The following KIF2A variants were observed in gnomAD, a reference collection of about 807,000 sequenced individuals.
The protein encoded by KIF2A is kinesin-like protein KIF2A.
KIF2A carries 22 observed loss-of-function variants against 100.2 expected under a neutral mutation model. The observed-to-expected ratio is 0.22, with a 90% confidence interval of 0.16 to 0.31. KIF2A has a LOEUF of 0.31. Ranked by LOEUF, KIF2A falls within the 10% of genes least tolerant of loss-of-function variation. KIF2A has a pLI of 1.00. For missense variants in KIF2A, 495 were observed against 898.7 expected (o/e 0.55, Z 5.74); for synonymous variants, 268 against 285.9 (o/e 0.94, Z 0.63).
At chr5:62,361,172 A>G (rs1392390552) in intron 9 of KIF2A, 70 bp from the exon 10 acceptor site, 4 of 728,922 alleles carry the variant, frequency 5.5e-6, no homozygotes, top group Non-Finnish European at 9.1e-6. Flanking sequence ...AATACTTTGT[A>G]TTACTCAGCA....
At chr5:62,327,054 C>T (rs1334213183) in intron 1 of KIF2A, among the ~76,000 whole-genome samples, 2 of 152,206 alleles carry the variant, frequency 1.3e-5, no homozygotes, top group African/African-American at 4.8e-5. Flanking sequence ...ACAATTAATT[C>T]ACTCCCTTTT....
At position 62,372,647 on chromosome 5, in the gene KIF2A, A is replaced by G; in HGVS notation, c.1760+96A>G. 4 of 693,816 alleles carry G rather than the reference A, an allele frequency of 5.8e-6. 1 individual carries two copies. 43.0% of individuals were successfully genotyped at this position (693,816 alleles called of 1,614,324 possible). A position where few individuals can be genotyped will look rare whatever the true frequency, so the allele number is the denominator to read the frequency against. On this transcript the variant is annotated intron_variant, in intron 17 of 20. Coordinates refer to ENST00000407818, the MANE Select transcript of KIF2A (RefSeq NM_001098511.3). ...TCATTTGCTATTTTTGTCCTGAGCC[A>G]TTTTAGTTTTCATTGTCATTTCATT...
At chr5:62,329,797 AAG>A (rs369322750) in intron 1 of KIF2A, among the ~76,000 whole-genome samples, 47 of 152,328 alleles carry the variant, frequency 3.1e-4, no homozygotes, top group African/African-American at 1.1e-3. Context: ...ATAGACATTA[AAG>A]AGGGGAATTA....
intron 19 of KIF2A, among the ~76,000 whole-genome samples, chr5:62,380,481 A>G (rs941312249): frequency 4.3e-4 from 65 of 152,278 alleles, no homozygotes; most frequent in African/African-American, 1.4e-3. Context: ...TTAGATTTTG[A>G]GGACATACAG....
At chr5:62,316,556 A>G (rs1389805471) in intron 1 of KIF2A, among the ~76,000 whole-genome samples, 1 of 152,220 alleles carries the variant, frequency 6.6e-6, no homozygotes, top group East Asian at 1.9e-4. Flanking sequence ...CAGTGAAATT[A>G]TTCTGTATGA....
chr5:62,381,314 G>T, intron 20 of KIF2A, 61 bp downstream of exon 20: 1 of 1,399,654 alleles, frequency 7.1e-7, no homozygotes, highest in Non-Finnish European at 1.0e-6. Flanking sequence ...ATATTGGTGA[G>T]AGGGCTTCTT....
intron 13 of KIF2A, 88 bp downstream of exon 13, chr5:62,363,408 C>T: frequency 8.2e-7 from 1 of 1,215,868 alleles, no homozygotes. Flanking sequence ...TCTATCAATA[C>T]ATCTTGGAAG....
chr5:62,361,707 A>ATTT (rs11418602), intron 11 of KIF2A, among the ~76,000 whole-genome samples, 178 bp downstream of exon 11: 1 of 146,574 alleles, frequency 6.8e-6, no homozygotes, highest in African/African-American at 2.5e-5. Context: ...ATTCACAATA[A>ATTT]TTTTTTTTTT....
intron 19 of KIF2A, 21 bp downstream of exon 19, chr5:62,377,783 C>G: frequency 8.2e-7 from 1 of 1,212,222 alleles, no homozygotes; most frequent in South Asian, 1.4e-5. Flanking sequence ...ACAGGACTTT[C>G]CTTCAAAATA....
chr5:62,322,002 C>T (rs1441083114), intron 1 of KIF2A, among the ~76,000 whole-genome samples: 1 of 152,168 alleles, frequency 6.6e-6, no homozygotes, highest in Non-Finnish European at 1.5e-5. Flanking sequence ...CTCATTGCAG[C>T]CTTACCTCCC....
intron 1 of KIF2A, among the ~76,000 whole-genome samples, chr5:62,309,426 A>G (rs1192341540): frequency 1.3e-5 from 2 of 152,218 alleles, no homozygotes; most frequent in Non-Finnish European, 2.9e-5. Context: ...ACTTCGAAAG[A>G]ACAGAAGGAT....
Position 62,306,373 on chromosome 5 carries a change from G to A in KIF2A, c.-100G>A. 1 of 977,358 alleles carries A rather than the reference G, an allele frequency of 1.0e-6. No homozygotes were observed. The highest frequency in any genetic ancestry group is 2.2e-5 in the Admixed American group (1 of 44,668). 60.5% of individuals were successfully genotyped at this position (977,358 alleles called of 1,614,324 possible). A position where few individuals can be genotyped will look rare whatever the true frequency, so the allele number is the denominator to read the frequency against. On this transcript the variant is annotated 5_prime_UTR_variant, in exon 1 of 21. Coordinates refer to ENST00000407818, the MANE Select transcript of KIF2A (RefSeq NM_001098511.3). Reference sequence around the variant, plus strand: ...TGTCGCCCGGGCCGGCGCGGCCGCGGGCAACCGCTCCCCCTCCCACACCTA... The same window carrying A: ...TGTCGCCCGGGCCGGCGCGGCCGCGAGCAACCGCTCCCCCTCCCACACCTA...
At chr5:62,350,247 G>T in intron 4 of KIF2A, 127 bp downstream of exon 4, 1 of 608,174 alleles carries the variant, frequency 1.6e-6, no homozygotes, top group South Asian at 2.1e-5. Flanking sequence ...CTAATTTTAA[G>T]AGGTGCTTTT....
At chr5:62,380,772 A>C (rs1741742506) in intron 19 of KIF2A, among the ~76,000 whole-genome samples, 2 of 152,320 alleles carry the variant, frequency 1.3e-5, no homozygotes, top group African/African-American at 4.8e-5. Context: ...CTTCATCCTC[A>C]TCATCTTCAC....
Position 62,336,677 on chromosome 5 carries a change from A to G in KIF2A, c.65-10453A>G, listed in dbSNP as rs759176221. On this transcript the variant is annotated intron_variant, in intron 1 of 20. Transcript: ENST00000407818. ...GAAATGTGTAGCTTTAGCGGCTTAT[A>G]AAGAAAATAGAATAAGGATGGTGAA... Among the ~76,000 whole-genome samples the G allele has an allele frequency of 5.9e-5, 9 of 152,382 alleles. No individual in the cohort carries two copies. The South Asian group carries it at 1.9e-3, about 32-fold the overall frequency.
chr5:62,385,558 C>T lies in KIF2A; in HGVS notation c.2224C>T (p.Arg742Cys), dbSNP rs1002718601. The T allele has an allele frequency of 7.5e-6, 12 of 1,590,458 alleles. No individual in the cohort carries two copies. The highest frequency in any genetic ancestry group is 2.7e-5 in the African/African-American group (2 of 74,220). ...ASKQINPKRP[R>C]AL ...CAAGCAAATCAACCCGAAGAGACCC[C>T]GTGCCCTTTAAACCGGCATTTGCTG... Residue 742 changes from arginine (R) to cysteine (C), a missense_variant, in exon 21 of 21, where the codon CGT becomes TGT. Physicochemically the swap from Arg to Cys is radical, Grantham distance 180 (BLOSUM62 -3). This residue lies in a region of KIF2A where 58 missense variants were observed against 94.8 expected (regional missense o/e 0.61). Coordinates refer to ENST00000407818, the MANE Select transcript of KIF2A (RefSeq NM_001098511.3).
chr5:62,371,350 T>TA (rs758929785), intron 16 of KIF2A, among the ~76,000 whole-genome samples: 3 of 152,138 alleles, frequency 2.0e-5, no homozygotes, highest in Non-Finnish European at 4.4e-5. Context: ...CCTTTGACAG[T>TA]AGATATTAAC....
chr5:62,358,228 G>T lies in KIF2A; in HGVS notation c.801G>T (p.Arg267Ser). 2 of 1,605,034 alleles carry T rather than the reference G, an allele frequency of 1.2e-6. No individual in the cohort carries two copies. The highest frequency in any genetic ancestry group is 1.7e-6 in the Non-Finnish European group (2 of 1,176,848). Residue 267 changes from arginine (R) to serine (S), a missense_variant, in exon 9 of 21, where the codon AGG (arginine) becomes AGT (serine). Arg to Ser is a moderately radical substitution (Grantham distance 110). Coordinates refer to ENST00000407818, the MANE Select transcript of KIF2A (RefSeq NM_001098511.3). ...CAAAACAAAAAGTAGATTTAACAAG[G>T]TACCTAGAAAACCAAACATTTCGTT... ...HEPKQKVDLT[R>S]YLENQTFRFD... is the part of the protein sequence containing the mutation.
At chr5:62,337,063 C>G (rs1048418777) in intron 1 of KIF2A, among the ~76,000 whole-genome samples, 1 of 86,656 alleles carries the variant, frequency 1.2e-5, no homozygotes, top group African/African-American at 4.4e-5. Flanking sequence ...GAAATTGGAT[C>G]TTCTTATAAT....
Sources: allele counts gnomAD v4.1 joint callset (sites outside exome capture counted in the v4.1 genomes callset), GRCh38; gene constraint gnomAD v4.1.1; regional missense constraint gnomAD v4.1.1; transcripts MANE v1.5; gene names NCBI Gene and HGNC (gene_info 2026-07-23, HGNC 2026-07-21).